The following CAMSAP3 variants were observed in gnomAD, a reference collection of about 807,000 sequenced individuals.
The protein encoded by CAMSAP3 is calmodulin regulated spectrin associated protein family member 3.
CAMSAP3 carries 34 observed loss-of-function variants against 112.5 expected under a neutral mutation model. The ratio of observed to expected loss-of-function variants is 0.30; its 90% CI spans 0.23 to 0.40. The LOEUF (loss-of-function observed/expected upper bound fraction) is 0.40. Among genes scored for constraint, CAMSAP3 ranks in the 10% least tolerant of loss-of-function variants. The probability of loss-of-function intolerance (pLI) is 1.00; values close to 1 mark genes in which losing one functional copy is unlikely to be tolerated. For synonymous variants in CAMSAP3, 868 were observed against 799.8 expected, an observed-to-expected ratio of 1.09 and a Z score of -1.44; for missense variants, 1,602 against 1,770.3, an observed-to-expected ratio of 0.90 and a Z score of 1.71.
Position 7,617,906 on chromosome 19 carries a change from G to GCAT in CAMSAP3, c.3601_3603dup (p.Ile1201dup). On this transcript the variant is annotated inframe_insertion, in exon 17 of 17. Transcript: ENST00000160298. The surrounding 1 kb of genome is among the most constrained non-coding windows in gnomAD (Gnocchi z 7.5). ...ACCGTCACGCCCGCCATGGTGGAAG[G>GCAT]CATCTACAAGTACAACTCGGACCGC... 6.2e-7 allele frequency: 1 copy of GCAT among 1,614,074 alleles called. No homozygotes were observed. Among genetic ancestry groups the GCAT allele is most frequent in the Non-Finnish European group, 8.5e-7 (1 of 1,180,014 alleles).
Position 7,618,040 on chromosome 19 carries a change from G to A in CAMSAP3, c.3733G>A (p.Gly1245Ser), listed in dbSNP as rs747834400. ...GAAACCCACCACTCCCAAGAAGGGC[G>A]GCGGCACCCCCAAATAGCCCCACCC... Reference protein sequence around the residue: ...GKKPTTPKKGGGTPK With the variant: ...GKKPTTPKKGSGTPK The change falls in exon 17 of 17, where the codon GGC (glycine) becomes AGC (serine). Residue 1245 changes from glycine (G) to serine (S), a missense_variant. Around this residue, in one of 6 missense-constraint regions of CAMSAP3, gnomAD observed 150 missense variants for 207.6 expected, o/e 0.72. Coordinates refer to ENST00000160298, the MANE Select transcript of CAMSAP3 (RefSeq NM_020902.2). The A allele has an allele frequency of 3.8e-5, 62 of 1,612,554 alleles. 3 individuals are homozygous for A. Among genetic ancestry groups the A allele is most frequent in the Admixed American group, 2.8e-4 (17 of 59,988 alleles).
chr19:7,617,408 TC>T lies in CAMSAP3; in HGVS notation c.3297del (p.Ser1100ProfsTer39). On this transcript the variant is annotated frameshift_variant, in exon 15 of 17. Coordinates refer to ENST00000160298, the MANE Select transcript of CAMSAP3 (RefSeq NM_020902.2). LOFTEE classifies it high-confidence loss of function. The surrounding 1 kb of genome is among the most constrained non-coding windows in gnomAD (Gnocchi z 7.5). ...GGACTGGGAAAATGGCAGCAATGCC[TC>T]CTCCCCAGCGTCAGTGCCCGAGTAC... is the stretch of plus-strand genomic sequence containing the variant. ...ERDWENGSNA[S>X]SPASVPEYTG... is the part of the protein sequence containing the mutation. 6.2e-7 allele frequency: 1 copy of T among 1,613,854 alleles called. No homozygotes were observed.
intron 1 of CAMSAP3, among the ~76,000 whole-genome samples, chr19:7,599,151 A>G (rs1358991084): frequency 1.3e-5 from 2 of 151,866 alleles, no homozygotes; most frequent in East Asian, 3.8e-4. Context: ...AGCCTGGGCA[A>G]CAGAGTGAGA....
intron 1 of CAMSAP3, among the ~76,000 whole-genome samples, chr19:7,602,303 A>G (rs2030002264): frequency 6.6e-6 from 1 of 152,218 alleles, no homozygotes; most frequent in Non-Finnish European, 1.5e-5. Context: ...AGCCCCAAGT[A>G]CCAATGAACC....
intron 11 of CAMSAP3, among the ~76,000 whole-genome samples, chr19:7,614,125 T>G (rs1599361199): frequency 6.6e-6 from 1 of 151,132 alleles, no homozygotes; most frequent in East Asian, 2.0e-4. Flanking sequence ...GCTGGCGTGG[T>G]GGCGGGCGCA....
At chr19:7,606,140 C>CCCCCCCCCAAA in intron 2 of CAMSAP3, 131 bp from the exon 3 acceptor site, 1 of 451,834 alleles carries the variant, frequency 2.2e-6, no homozygotes, top group Admixed American at 3.4e-5. Flanking sequence ...CCACTGGCCC[C>CCCCCCCCCAAA]GCCCCCTCAA....
rs1397709105 is a variant in CAMSAP3 at position 7,611,690 on chromosome 19, T to C, written c.1197T>C (p.Arg399=). ...LGKAWNRQLS[R]PLSQAVSFST... is the part of the protein sequence containing the mutation. Reference sequence around the variant, plus strand: ...ACCCCTCCCTCCGGCCGCCCAGCCGTCCCCTCTCCCAGGCTGTGTCATTCA... The same window carrying C: ...ACCCCTCCCTCCGGCCGCCCAGCCGCCCCCTCTCCCAGGCTGTGTCATTCA... The change falls in exon 11 of 17, where the codon CGT becomes CGC. Residue 399 remains arginine, a synonymous_variant. Transcript: ENST00000160298. This position sits in a 1 kb window ranked among gnomAD's most constrained non-coding sequence, Gnocchi z 6.9. 1.9e-6 allele frequency: 3 copies of C among 1,560,620 alleles called. No individual in the cohort carries two copies. The highest frequency in any genetic ancestry group is 2.6e-6 in the Non-Finnish European group (3 of 1,150,608).
chr19:7,614,888 TAG>T (rs955731221), intron 11 of CAMSAP3: 11 of 534,986 alleles, frequency 2.1e-5, no homozygotes, highest in Non-Finnish European at 3.7e-5. Flanking sequence ...TCCCGCAGTG[TAG>T]AGTGTCTGTG....
At position 7,615,354 on chromosome 19, in the gene CAMSAP3, C is replaced by G. The variant is rs1328935857; in HGVS notation, c.2810+32C>G. 1 of 1,534,040 alleles carries G rather than the reference C, an allele frequency of 6.5e-7. No homozygotes were observed. The highest frequency in any genetic ancestry group is 1.2e-5 in the South Asian group (1 of 82,750). On this transcript the variant is annotated intron_variant, in intron 12 of 16. Transcript: ENST00000160298. This position sits in a 1 kb window ranked among gnomAD's most constrained non-coding sequence, Gnocchi z 6.5. ...CCGGGCCTGCCCGGGACGCCCGCTC[C>G]TTGGCCTGTCTGCCACCGCGGACCC...
Position 7,618,020 on chromosome 19 carries a change from C to T in CAMSAP3, c.3713C>T (p.Pro1238Leu). ...IQGHLWQGKK[P>L]TTPKKGGGTP... ...GGACACCTCTGGCAGGGCAAGAAAC[C>T]CACCACTCCCAAGAAGGGCGGCGGC... Residue 1238 changes from proline to leucine, a missense_variant, in exon 17 of 17, where the codon CCC becomes CTC. Transcript: ENST00000160298. 1.9e-6 allele frequency: 3 copies of T among 1,613,950 alleles called. No homozygotes were observed. Among genetic ancestry groups the T allele is most frequent in the East Asian group, 2.2e-5 (1 of 44,878 alleles).
At chr19:7,599,794 TCCACCCGCCCATCCATCCACCCAC>T (rs1385543203) in intron 1 of CAMSAP3, among the ~76,000 whole-genome samples, 661 of 22,982 alleles carry the variant, frequency 0.029, 36 homozygotes, top group Non-Finnish European at 0.037. Flanking sequence ...CGCCCATCCA[TCCACCCGCCCATCCATCCACCCAC>T]CCACCCACCC....
intron 1 of CAMSAP3, among the ~76,000 whole-genome samples, chr19:7,597,737 A>G (rs62113376): frequency 0.16 from 24,414 of 152,146 alleles, 2,164 homozygotes; most frequent in African/African-American, 0.24. Flanking sequence ...GTATATTTTG[A>G]TGAATAATAT....
intron 11 of CAMSAP3, among the ~76,000 whole-genome samples, chr19:7,614,214 C>T (rs1236326708): frequency 3.4e-5 from 4 of 118,178 alleles, no homozygotes; most frequent in East Asian, 5.6e-4. Flanking sequence ...GGGCCTAGAT[C>T]GTGCCACTGC....
Position 7,607,783 on chromosome 19 carries a change from C to CTGGG in CAMSAP3, c.622-343_622-342insTGGG. 1.2e-6 allele frequency: 1 copy of CTGGG among 800,762 alleles called. No individual in the cohort carries two copies. The highest frequency in any genetic ancestry group is 1.9e-5 in the South Asian group (1 of 52,888). 49.6% of individuals were successfully genotyped at this position (800,762 alleles called of 1,614,324 possible). A position where few individuals can be genotyped will look rare whatever the true frequency, so the allele number is the denominator to read the frequency against. On this transcript the variant is annotated intron_variant, in intron 4 of 16. Coordinates refer to ENST00000160298, the MANE Select transcript of CAMSAP3 (RefSeq NM_020902.2). The surrounding 1 kb of genome is among the most constrained non-coding windows in gnomAD (Gnocchi z 4.9). ...GGCTTGGGGGCCCAGCAGGTCAGCA[C>CTGGG]CCCTCCCCCTTGCTGATGGCTGCTC...
chr19:7,601,585 G>A (rs2029969305), intron 1 of CAMSAP3, among the ~76,000 whole-genome samples: 2 of 151,894 alleles, frequency 1.3e-5, no homozygotes, highest in South Asian at 4.2e-4. Flanking sequence ...ATAATGCTCA[G>A]TAAACATTTT....
In CAMSAP3 at chr19:7,611,366, A is replaced by G. The variant is rs967951589; in HGVS notation, c.1124-151A>G. On this transcript the variant is annotated intron_variant, in intron 9 of 16. Coordinates refer to ENST00000160298, the MANE Select transcript of CAMSAP3 (RefSeq NM_020902.2). The surrounding 1 kb of genome is among the most constrained non-coding windows in gnomAD (Gnocchi z 6.9). ...GTAGTGACAGTAAATGGCCCCGGGTATCTGTTTCTGGAAACCTCTGGTCTC... is the reference window on the plus strand; with the variant it reads ...GTAGTGACAGTAAATGGCCCCGGGTGTCTGTTTCTGGAAACCTCTGGTCTC... The G allele has an allele frequency of 2.3e-6, 2 of 880,884 alleles. No individual in the cohort carries two copies. Among genetic ancestry groups the G allele is most frequent in the Non-Finnish European group, 3.5e-6 (2 of 577,928 alleles). 54.6% of individuals were successfully genotyped at this position (880,884 alleles called of 1,614,324 possible).
At position 7,608,251 on chromosome 19, in the gene CAMSAP3, G is replaced by C. The variant is rs746337306; in HGVS notation, c.747G>C (p.Leu249=). The C allele has an allele frequency of 1.2e-6, 2 of 1,611,988 alleles. No individual in the cohort carries two copies. Among genetic ancestry groups the C allele is most frequent in the Non-Finnish European group, 1.7e-6 (2 of 1,179,232 alleles). The change falls in exon 5 of 17, where the codon CTG becomes CTC. Residue 249 remains leucine (L), a synonymous_variant. Transcript: ENST00000160298. ...CCATCCACTGCTATTGTCCCCAGCTGCTTCGACTTGAGGGTGAGTAAATGG... is the reference window on the plus strand; with the variant it reads ...CCATCCACTGCTATTGTCCCCAGCTCCTTCGACTTGAGGGTGAGTAAATGG... ...AATIHCYCPQ[L]LRLEEVCLKD...
Position 7,603,218 on chromosome 19 carries a change from C to CTT in CAMSAP3, c.149-1995_149-1994dup, listed in dbSNP as rs576409985. Reference sequence around the variant, plus strand: ...TTCTTTTCTTTTTTTTTCTTTCTTTCTTTTTTTTTTTTTTAAGACAGAGGC... The same window carrying CTT: ...TTCTTTTCTTTTTTTTTCTTTCTTTCTTTTTTTTTTTTTTTTAAGACAGAGGC... On this transcript the variant is annotated intron_variant, in intron 1 of 16. Coordinates refer to ENST00000160298, the MANE Select transcript of CAMSAP3 (RefSeq NM_020902.2). Among the ~76,000 whole-genome samples the CTT allele has an allele frequency of 2.7e-3, 383 of 141,328 alleles. 1 individual carries two copies. The highest frequency in any genetic ancestry group is 8.4e-3 in the East Asian group (41 of 4,884). The allele number at this position is 141,328 out of a possible 152,430, so 92.7% of individuals were successfully genotyped here. A position where few individuals can be genotyped will look rare whatever the true frequency, so the allele number is the denominator to read the frequency against.
Position 7,608,151 on chromosome 19 carries a change from T to G in CAMSAP3, c.647T>G (p.Val216Gly), listed in dbSNP as rs1215686659. 2.5e-6 allele frequency: 4 copies of G among 1,611,832 alleles called. No homozygotes were observed. The East Asian group carries it at 8.9e-5, about 36-fold the overall frequency. Residue 216 changes from valine to glycine, a missense_variant, in exon 5 of 17, where the codon GTG (valine) becomes GGG (glycine). This residue lies in a region of CAMSAP3 where 112 missense variants were observed against 94.2 expected (regional missense o/e 1.19). Coordinates refer to ENST00000160298, the MANE Select transcript of CAMSAP3 (RefSeq NM_020902.2). ...ATCCGATACCGCAAGGACCGTGTGG[T>G]GGCGCGACGTGCCCCCTGCTTCCCG... ...PSIRYRKDRVVARRAPCFPTV... is the reference protein window; with the variant it reads ...PSIRYRKDRVGARRAPCFPTV...
Sources: gnomAD v4.1 joint callset for allele counts (sites outside exome capture counted in the v4.1 genomes callset) on GRCh38, gnomAD v4.1.1 for gene constraint, gnomAD v4.1.1 regional missense constraint, Gnocchi (gnomAD v3.1) non-coding constraint, MANE v1.5 for transcripts, NCBI Gene and HGNC (gene_info 2026-07-23, HGNC 2026-07-21) for gene names.